Variants in ENTHD1 observed in about 807,000 individuals in gnomAD.
ENTHD1 encodes the protein ENTH domain-containing protein 1.
In ENTHD1, 23 loss-of-function variants were observed where a neutral mutation model predicts 39.1. That is an observed-to-expected ratio of 0.59 (90% CI 0.42 to 0.83). The LOEUF (loss-of-function observed/expected upper bound fraction) is 0.83. ENTHD1 is among the 40% of genes least tolerant of loss of function. The probability of loss-of-function intolerance (pLI) is 0.00; values close to 1 mark genes in which losing one functional copy is unlikely to be tolerated. For synonymous variants in ENTHD1, 230 were observed against 258.2 expected (o/e 0.89, Z 1.05); for missense variants, 624 against 705.4 (o/e 0.88, Z 1.31).
At chr22:39,828,166 C>T (rs1337900064) in intron 4 of ENTHD1, among the ~76,000 whole-genome samples, 1 of 152,066 alleles carries the variant, frequency 6.6e-6, no homozygotes, top group Non-Finnish European at 1.5e-5. Flanking sequence ...ACAAAAATTT[C>T]CCCCCAAAAT....
At chr22:39,768,362 C>T (rs1464308979) in intron 5 of ENTHD1, among the ~76,000 whole-genome samples, 2 of 152,172 alleles carry the variant, frequency 1.3e-5, no homozygotes, top group Admixed American at 6.5e-5. Context: ...TGTCACTCCA[C>T]ACGCCATGAG....
chr22:39,799,526 C>CA (rs968966404), intron 5 of ENTHD1, among the ~76,000 whole-genome samples: 51 of 152,072 alleles, frequency 3.4e-4, no homozygotes, highest in African/African-American at 1.2e-3. Flanking sequence ...AAGGTCTCAA[C>CA]AAAAAAAGAC....
chr22:39,886,775 G>A (rs1012011412), intron 2 of ENTHD1, among the ~76,000 whole-genome samples: 3 of 151,798 alleles, frequency 2.0e-5, no homozygotes, highest in Admixed American at 6.6e-5. Context: ...CTCCTCTTCC[G>A]CCCCCGAAAG....
In ENTHD1 at chr22:39,743,302, C is replaced by G. The variant is rs1333565473; in HGVS notation, c.*377G>C. 1.2e-5 allele frequency: 2 copies of G among 168,888 alleles called. No individual in the cohort carries two copies. The highest frequency in any genetic ancestry group is 4.8e-5 in the African/African-American group (2 of 41,778). 10.5% of individuals were successfully genotyped at this position (168,888 alleles called of 1,614,324 possible). A position where few individuals can be genotyped will look rare whatever the true frequency, so the allele number is the denominator to read the frequency against. ...CAGAGGCTTGTTAACAAGCTCCATA[C>G]AGTTGAAAGATAAAGAGCTTCTTCC... On this transcript the variant is annotated 3_prime_UTR_variant, in exon 7 of 7. Coordinates refer to ENST00000325157, the MANE Select transcript of ENTHD1 (RefSeq NM_152512.4).
chr22:39,851,118 T>C (rs1601641062), intron 3 of ENTHD1, among the ~76,000 whole-genome samples: 1 of 152,320 alleles, frequency 6.6e-6, no homozygotes, highest in African/African-American at 2.4e-5. Context: ...TTATAGGCTG[T>C]TATTTTCCTT....
intron 4 of ENTHD1, among the ~76,000 whole-genome samples, chr22:39,821,572 A>G (rs949216339): frequency 2.0e-5 from 3 of 152,220 alleles, no homozygotes; most frequent in African/African-American, 7.2e-5. Context: ...ATCTTGTTTC[A>G]TTTATATCCC....
In ENTHD1 at chr22:39,861,997, G is replaced by A; in HGVS notation, c.360C>T (p.Ile120=). 6.8e-7 allele frequency: 1 copy of A among 1,477,024 alleles called. No homozygotes were observed. Among genetic ancestry groups the A allele is most frequent in the Non-Finnish European group, 9.1e-7 (1 of 1,094,780 alleles). 91.5% of individuals were successfully genotyped at this position (1,477,024 alleles called of 1,614,324 possible). The stretch of plus-strand genomic sequence containing the variant: ...TGATGACTTGCTTAGATTTTTCCCG[G>A]ATATAATAACCTGAAAAATACATTG... ...DEAGKDQGYY[I]REKSKQVITL... is the part of the protein sequence containing the mutation. The change falls in exon 3 of 7, where the codon ATC becomes ATT. Residue 120 remains isoleucine (I), a synonymous_variant. Coordinates refer to ENST00000325157, the MANE Select transcript of ENTHD1 (RefSeq NM_152512.4).
At chr22:39,798,372 T>C (rs1300860001) in intron 5 of ENTHD1, among the ~76,000 whole-genome samples, 6 of 152,170 alleles carry the variant, frequency 3.9e-5, no homozygotes, top group Non-Finnish European at 8.8e-5. Context: ...TATTGTTAAG[T>C]ATTGGATTGG....
At chr22:39,852,182 AC>A (rs1234876946) in intron 3 of ENTHD1, among the ~76,000 whole-genome samples, 1 of 151,396 alleles carries the variant, frequency 6.6e-6, no homozygotes, top group African/African-American at 2.4e-5. Flanking sequence ...AAAAAAAAAA[AC>A]CCAAAAACCC....
At chr22:39,828,644 ATC>A (rs2146663453) in intron 4 of ENTHD1, among the ~76,000 whole-genome samples, 1 of 152,362 alleles carries the variant, frequency 6.6e-6, no homozygotes, top group South Asian at 2.1e-4. Flanking sequence ...AATTCATAGT[ATC>A]TCTATCTGTT....
intron 3 of ENTHD1, among the ~76,000 whole-genome samples, chr22:39,844,261 A>G (rs2065969658): frequency 6.6e-6 from 1 of 152,200 alleles, no homozygotes; most frequent in African/African-American, 2.4e-5. Context: ...TGAAATAGGT[A>G]GATAAGAAAA....
In ENTHD1 at chr22:39,791,857, T is replaced by C. The variant is rs1310370577; in HGVS notation, c.833-26248A>G. 2.0e-5 allele frequency among the ~76,000 whole-genome samples: 3 copies of C among 152,090 alleles called. No individual in the cohort carries two copies. In the East Asian group the frequency reaches 5.8e-4, roughly 29 times the overall value. Reference sequence around the variant, plus strand: ...TATGCTCAGTTTTTTTGTTTGTTTGTTTTGTTTTTCCTGAACTTCTCCCTT... The same window carrying C: ...TATGCTCAGTTTTTTTGTTTGTTTGCTTTGTTTTTCCTGAACTTCTCCCTT... On this transcript the variant is annotated intron_variant, in intron 5 of 6. Coordinates refer to ENST00000325157, the MANE Select transcript of ENTHD1 (RefSeq NM_152512.4).
intron 2 of ENTHD1, among the ~76,000 whole-genome samples, chr22:39,871,226 C>A (rs1329102929): frequency 1.3e-5 from 2 of 149,598 alleles, no homozygotes; most frequent in Non-Finnish European, 3.0e-5. Flanking sequence ...TAAATACGGA[C>A]CTTCCTAGTG....
chr22:39,887,999 G>T, intron 1 of ENTHD1, 96 bp from the exon 2 acceptor site: 1 of 377,488 alleles, frequency 2.6e-6, no homozygotes, highest in East Asian at 4.2e-5. Context: ...TTCTAAATCA[G>T]CCCCTCACTT....
intron 2 of ENTHD1, among the ~76,000 whole-genome samples, chr22:39,880,090 T>C (rs924841623): frequency 1.4e-4 from 22 of 152,220 alleles, no homozygotes; most frequent in Admixed American, 3.9e-4. Context: ...GAGCTGGGCA[T>C]GGTGGTGTGC....
At chr22:39,874,632 G>A (rs2146751201) in intron 2 of ENTHD1, 1 of 151,864 alleles carries the variant, frequency 6.6e-6, no homozygotes, top group South Asian at 2.1e-4. Flanking sequence ...ATCTGACAAA[G>A]AACTCATATC....
chr22:39,764,811 G>A (rs747977001), intron 6 of ENTHD1, among the ~76,000 whole-genome samples: 7 of 151,428 alleles, frequency 4.6e-5, no homozygotes, highest in Non-Finnish European at 1.0e-4. Context: ...TTTTTAAAGG[G>A]GCACACATAC....
intron 2 of ENTHD1, among the ~76,000 whole-genome samples, chr22:39,878,334 T>A (rs183871882): frequency 6.6e-6 from 1 of 151,830 alleles, no homozygotes; most frequent in African/African-American, 2.4e-5. Context: ...CTATAAAAGG[T>A]GTAACATATG....
At chr22:39,777,675 G>A (rs2065376369) in intron 5 of ENTHD1, among the ~76,000 whole-genome samples, 1 of 151,954 alleles carries the variant, frequency 6.6e-6, no homozygotes, top group Non-Finnish European at 1.5e-5. Context: ...AAAAATAAGT[G>A]GGTCAGCTAA....
Sources: gnomAD v4.1 joint callset for allele counts (sites outside exome capture counted in the v4.1 genomes callset) on GRCh38, gnomAD v4.1.1 for gene constraint, MANE v1.5 for transcripts, NCBI Gene and HGNC (gene_info 2026-07-23, HGNC 2026-07-21) for gene names.